Variants in VWA8 observed in about 807,000 individuals in gnomAD.
The protein encoded by VWA8 is von Willebrand factor A domain containing 8.
In VWA8, 221 loss-of-function variants were observed where a neutral mutation model predicts 241.5. The ratio of observed to expected loss-of-function variants is 0.91; its 90% CI spans 0.82 to 1.02. The LOEUF (loss-of-function observed/expected upper bound fraction) is 1.02, where lower values mean the gene tolerates loss of function less well. Ranked by LOEUF, VWA8 falls within the 50% of genes least tolerant of loss-of-function variation. VWA8 has a pLI of 0.00. For missense variants in VWA8, 2,322 were observed against 2,328.7 expected (o/e 1.00, Z 0.06); for synonymous variants, 852 against 827.1 (o/e 1.03, Z -0.52).
intron 39 of VWA8, among the ~76,000 whole-genome samples, chr13:41,607,953 G>A (rs974791964): frequency 6.7e-6 from 1 of 148,852 alleles, no homozygotes; most frequent in East Asian, 1.9e-4. Context: ...CTAAACTACT[G>A]TGTGTGTGTG....
At position 41,761,185 on chromosome 13, in the gene VWA8, A is replaced by T. The variant is rs769329444; in HGVS notation, c.2369T>A (p.Ile790Asn). The change falls in exon 21 of 45, where the codon ATT (isoleucine) becomes AAT (asparagine). Residue 790 changes from isoleucine to asparagine, a missense_variant. Physicochemically the swap from Ile to Asn is moderately radical, Grantham distance 149. Coordinates refer to ENST00000379310, the MANE Select transcript of VWA8 (RefSeq NM_015058.2). The stretch of plus-strand genomic sequence containing the variant: ...GAGCAGGTGAAGGAATCTGTCAACA[A>T]TCTTGTTTTTTCCTACACCCTGTAA... ...VGNQGVGKNK[I>N]VDRFLHLLNR... 11 of 1,611,622 alleles carry T rather than the reference A, an allele frequency of 6.8e-6. No individual in the cohort carries two copies. The South Asian group carries it at 9.9e-5, about 14-fold the overall frequency.
At chr13:41,688,363 A>C (rs1019289185) in intron 34 of VWA8, among the ~76,000 whole-genome samples, 32 of 152,140 alleles carry the variant, frequency 2.1e-4, no homozygotes, top group Admixed American at 7.2e-4. Flanking sequence ...GCTACAAAGG[A>C]AATTATAAAA....
rs1377797184 is a variant in VWA8 at position 41,947,956 on chromosome 13, AAAC to A, written c.241+1977_241+1979del. 1.4e-3 allele frequency among the ~76,000 whole-genome samples: 207 copies of A among 145,334 alleles called. 34 individuals are homozygous for A. The highest frequency in any genetic ancestry group is 2.0e-3 in the Non-Finnish European group (132 of 65,736). ...CAAAAAAAAAAAAAAAAAAAAAACA[AAAC>A]AAAACATTTTGGTAATTCCTTGAAA... On this transcript the variant is annotated intron_variant, in intron 2 of 44. Transcript: ENST00000379310.
At position 41,787,574 on chromosome 13, in the gene VWA8, T is replaced by C. The variant is rs578231378; in HGVS notation, c.2064-31A>G. The stretch of plus-strand genomic sequence containing the variant: ...GGATGAAGAGGGAGGAAGGGGGAAA[T>C]GGCTTAAGTCAAAGCTTTCTGCGAT... On this transcript the variant is annotated intron_variant, in intron 17 of 44. Coordinates refer to ENST00000379310, the MANE Select transcript of VWA8 (RefSeq NM_015058.2). 1.8e-5 allele frequency: 26 copies of C among 1,449,806 alleles called. No individual in the cohort carries two copies. The African/African-American group carries it at 3.0e-4, about 17-fold the overall frequency. The allele number at this position is 1,449,806 out of a possible 1,614,324, so 89.8% of individuals were successfully genotyped here.
intron 26 of VWA8, among the ~76,000 whole-genome samples, chr13:41,718,471 T>C (rs1439523171): frequency 6.6e-6 from 1 of 152,092 alleles, no homozygotes; most frequent in Non-Finnish European, 1.5e-5. Context: ...CCAGTCATTC[T>C]TCTGGAAAAT....
chr13:41,716,605 G>A (rs1210470166), intron 26 of VWA8, among the ~76,000 whole-genome samples: 4 of 152,022 alleles, frequency 2.6e-5, no homozygotes, highest in Admixed American at 6.6e-5. Flanking sequence ...GCTATATGTA[G>A]TGGGTGGCCA....
rs562659931 is a variant in VWA8 at position 41,809,529 on chromosome 13, G to A, written c.2063+1696C>T. On this transcript the variant is annotated intron_variant, in intron 17 of 44. Transcript: ENST00000379310. ...AAGGAGAGTTTCTTCAATAAATGGTGCTGGGAAAACTGGATATCCATAAGC... is the reference window on the plus strand; with the variant it reads ...AAGGAGAGTTTCTTCAATAAATGGTACTGGGAAAACTGGATATCCATAAGC... Among the ~76,000 whole-genome samples the A allele has an allele frequency of 2.0e-5, 3 of 152,254 alleles. No homozygotes were observed. In the East Asian group the frequency reaches 5.8e-4, roughly 29 times the overall value.
intron 29 of VWA8, among the ~76,000 whole-genome samples, chr13:41,696,594 T>C (rs2137822437): frequency 6.6e-6 from 1 of 152,324 alleles, no homozygotes; most frequent in East Asian, 1.9e-4. Context: ...CCAGACAAGT[T>C]ACTTGAAGTC....
chr13:41,608,503 A>G (rs1336591084), intron 39 of VWA8, among the ~76,000 whole-genome samples: 1 of 152,172 alleles, frequency 6.6e-6, no homozygotes, highest in Non-Finnish European at 1.5e-5. Context: ...TTTTGTTGGC[A>G]CAGTATATTT....
intron 37 of VWA8, among the ~76,000 whole-genome samples, chr13:41,657,715 T>C (rs577336105): frequency 3.9e-4 from 59 of 151,862 alleles, no homozygotes; most frequent in African/African-American, 1.3e-3. Flanking sequence ...GGTCTCGATC[T>C]CCTGACCTCA....
chr13:41,751,141 A>T (rs2045653312), intron 21 of VWA8, among the ~76,000 whole-genome samples: 1 of 152,142 alleles, frequency 6.6e-6, no homozygotes, highest in Non-Finnish European at 1.5e-5. Context: ...TGTTAAATAA[A>T]AAAAAAATAC....
intron 19 of VWA8, among the ~76,000 whole-genome samples, chr13:41,782,218 A>G (rs552310757): frequency 9.8e-5 from 15 of 152,346 alleles, no homozygotes; most frequent in East Asian, 9.6e-4. Context: ...CCATGTCACA[A>G]ACACCATGGC....
chr13:41,698,501 C>G (rs115917112), intron 29 of VWA8, among the ~76,000 whole-genome samples: 1 of 152,096 alleles, frequency 6.6e-6, no homozygotes, highest in Non-Finnish European at 1.5e-5. Flanking sequence ...TAGTAAATGA[C>G]GGATAGAACT....
rs1473737016 is a variant in VWA8 at position 41,800,189 on chromosome 13, T to G, written c.2063+11036A>C. 3.3e-5 allele frequency among the ~76,000 whole-genome samples: 5 copies of G among 152,220 alleles called. No homozygotes were observed. The East Asian group carries it at 9.6e-4, about 29-fold the overall frequency. On this transcript the variant is annotated intron_variant, in intron 17 of 44. Coordinates refer to ENST00000379310, the MANE Select transcript of VWA8 (RefSeq NM_015058.2). ...TTATCTGTTGAGCAGTTGATAGTCA[T>G]TTGTTTCCAGTTTTTCACTATTATG...
At chr13:41,637,821 GTCTC>G (rs1047051428) in intron 37 of VWA8, among the ~76,000 whole-genome samples, 3 of 152,242 alleles carry the variant, frequency 2.0e-5, no homozygotes, top group East Asian at 3.9e-4. Flanking sequence ...TGTTGTGTTT[GTCTC>G]TCTCTTTTTA....
At chr13:41,730,934 C>A (rs904610154) in intron 22 of VWA8, among the ~76,000 whole-genome samples, 2 of 151,192 alleles carry the variant, frequency 1.3e-5, no homozygotes, top group Non-Finnish European at 2.9e-5. Flanking sequence ...ATGGGTACAG[C>A]ACACCAGCAT....
At chr13:41,784,745 T>TATACACACAC (rs1869100333) in intron 18 of VWA8, among the ~76,000 whole-genome samples, 1 of 102,260 alleles carries the variant, frequency 9.8e-6, no homozygotes, top group Non-Finnish European at 2.1e-5. Context: ...CACATATATA[T>TATACACACAC]ATATATATAT....
chr13:41,877,405 AAAAAC>A (rs1873949140), intron 9 of VWA8, among the ~76,000 whole-genome samples: 1 of 152,070 alleles, frequency 6.6e-6, no homozygotes, highest in Non-Finnish European at 1.5e-5. Flanking sequence ...TGCTTAAAAA[AAAAAC>A]AAAACACATA....
intron 2 of VWA8, among the ~76,000 whole-genome samples, chr13:41,920,445 A>C (rs781637849): frequency 1.3e-5 from 2 of 152,230 alleles, no homozygotes; most frequent in African/African-American, 4.8e-5. Flanking sequence ...TCAGAGCAGA[A>C]CTGAAGAAGA....
Sources: gnomAD v4.1 joint callset for allele counts (sites outside exome capture counted in the v4.1 genomes callset) on GRCh38, gnomAD v4.1.1 for gene constraint, MANE v1.5 for transcripts, NCBI Gene and HGNC (gene_info 2026-07-23, HGNC 2026-07-21) for gene names.